NRXN1: variants seen among roughly 807,000 people sequenced by gnomAD.
NRXN1 encodes neurexin-1.
In NRXN1, 39 loss-of-function variants were observed where a neutral mutation model predicts 150.9. That is an observed-to-expected ratio of 0.26 (90% CI 0.20 to 0.34). NRXN1 has a LOEUF of 0.34. Ranked by LOEUF, NRXN1 falls within the 10% of genes least tolerant of loss-of-function variation. The probability of loss-of-function intolerance (pLI) is 1.00; values close to 1 mark genes in which losing one functional copy is unlikely to be tolerated. For missense variants in NRXN1, 1,815 were observed against 1,949.9 expected (o/e 0.93, Z 1.30); for synonymous variants, 924 against 757.0 (o/e 1.22, Z -3.62).
At chr2:50,947,322 C>T (rs1228337279) in intron 2 of NRXN1, among the ~76,000 whole-genome samples, 2 of 151,862 alleles carry the variant, frequency 1.3e-5, no homozygotes, top group South Asian at 4.1e-4. Flanking sequence ...AGAAATGAAT[C>T]AGACATTTGT....
intron 5 of NRXN1, among the ~76,000 whole-genome samples, chr2:50,716,593 GATA>G (rs1434152547): frequency 6.6e-6 from 1 of 152,058 alleles, no homozygotes; most frequent in Non-Finnish European, 1.5e-5. Context: ...CATTTGCTAT[GATA>G]ATGAGAACTT....
intron 5 of NRXN1, among the ~76,000 whole-genome samples, chr2:50,907,124 T>C (rs908426026): frequency 6.6e-6 from 1 of 151,714 alleles, no homozygotes; most frequent in South Asian, 2.1e-4. Context: ...AAGACTCTCA[T>C]TGCCCTATAC....
intron 3 of NRXN1, among the ~76,000 whole-genome samples, chr2:50,923,000 G>A (rs905031244): frequency 1.3e-5 from 2 of 151,780 alleles, no homozygotes; most frequent in African/African-American, 4.8e-5. Context: ...TCTGCCCTCT[G>A]TGCCCTTTAA....
intron 18 of NRXN1, among the ~76,000 whole-genome samples, chr2:50,197,117 T>G (rs1007866270): frequency 6.6e-6 from 1 of 152,128 alleles, no homozygotes. Context: ...CCTAGCAAAC[T>G]TTTTTTCAGA....
At chr2:50,600,243 G>C (rs1676020544) in intron 8 of NRXN1, among the ~76,000 whole-genome samples, 2 of 150,602 alleles carry the variant, frequency 1.3e-5, no homozygotes, top group African/African-American at 2.4e-5. Flanking sequence ...GATATATTAT[G>C]ACTTGCAAAG....
chr2:50,183,559 T>C (rs2060875482), intron 18 of NRXN1, among the ~76,000 whole-genome samples: 1 of 151,784 alleles, frequency 6.6e-6, no homozygotes, highest in Non-Finnish European at 1.5e-5. Context: ...TGTGGGATTT[T>C]GTTGTTCTTG....
chr2:50,856,841 T>G (rs1675343132), intron 5 of NRXN1, among the ~76,000 whole-genome samples: 2 of 152,118 alleles, frequency 1.3e-5, no homozygotes, highest in African/African-American at 4.8e-5. Flanking sequence ...CGTTCCCATG[T>G]AGGAATCCCT....
chr2:50,312,349 A>G (rs114286351), intron 17 of NRXN1, among the ~76,000 whole-genome samples: 1,623 of 152,190 alleles, frequency 0.011, 30 homozygotes, highest in African/African-American at 0.037. Context: ...AGGGGTTAAA[A>G]AAAGAAAACA....
intron 17 of NRXN1, among the ~76,000 whole-genome samples, chr2:50,258,379 C>T (rs2067924730): frequency 6.6e-6 from 1 of 152,066 alleles, no homozygotes; most frequent in South Asian, 2.1e-4. Context: ...CATTTCATCT[C>T]ATGAAACCAC....
chr2:50,865,497 T>C (rs1226146436), intron 5 of NRXN1, among the ~76,000 whole-genome samples: 2 of 151,348 alleles, frequency 1.3e-5, no homozygotes, highest in Non-Finnish European at 3.0e-5. Context: ...CTGAGTCTGG[T>C]CCAGGTCTCT....
intron 17 of NRXN1, among the ~76,000 whole-genome samples, chr2:50,334,598 GGC>G (rs2077063205): frequency 2.0e-5 from 3 of 152,124 alleles, no homozygotes; most frequent in Non-Finnish European, 4.4e-5. Context: ...CCAAATGGCA[GGC>G]ACTCCATCAC....
chr2:50,760,008 T>C (rs1701618165), intron 5 of NRXN1, among the ~76,000 whole-genome samples: 2 of 151,916 alleles, frequency 1.3e-5, no homozygotes, highest in South Asian at 4.1e-4. Context: ...ATTACAGCTC[T>C]GGCACAAGCA....
intron 17 of NRXN1, among the ~76,000 whole-genome samples, chr2:50,422,708 G>C (rs1166841469): frequency 6.6e-6 from 1 of 152,174 alleles, no homozygotes; most frequent in African/African-American, 2.4e-5. Flanking sequence ...GATTCGTGAT[G>C]TGCTATTTCT....
chr2:50,552,541 T>G (rs1573517051), intron 9 of NRXN1, 46 bp downstream of exon 9: 1 of 1,420,888 alleles, frequency 7.0e-7, no homozygotes, highest in South Asian at 1.2e-5. Context: ...CATGGGTGGG[T>G]GGGGTGCTCC....
chr2:50,073,947 G>A (rs1696671869), intron 19 of NRXN1, among the ~76,000 whole-genome samples: 1 of 152,146 alleles, frequency 6.6e-6, no homozygotes, highest in Admixed American at 6.5e-5. Context: ...GGAGGTCAGT[G>A]CAATGCATTT....
At chr2:50,856,620 A>C (rs1339021874) in intron 5 of NRXN1, among the ~76,000 whole-genome samples, 1 of 152,100 alleles carries the variant, frequency 6.6e-6, no homozygotes, top group Non-Finnish European at 1.5e-5. Flanking sequence ...TTTCCCCCTA[A>C]ATTTTATATC....
At chr2:50,227,434 G>A (rs2064503864) in intron 18 of NRXN1, among the ~76,000 whole-genome samples, 1 of 152,000 alleles carries the variant, frequency 6.6e-6, no homozygotes, top group Non-Finnish European at 1.5e-5. Context: ...ACACACCCTT[G>A]CAGAGCAGTG....
At position 50,465,447 on chromosome 2, in the gene NRXN1, T is replaced by C; in HGVS notation, c.3359A>G (p.Asn1120Ser). ...SMTSFSGPLC[N>S]DPGTTYIFSK... ...ATACTCAGAGAGGTACTTACGGTCA[T>C]TGCAGAGTGGTCCACTGAAGGAAGT... is the stretch of plus-strand genomic sequence containing the variant. Residue 1120 changes from asparagine (N) to serine (S), a missense_variant, in exon 17 of 23, where the codon AAT becomes AGT. By Grantham distance (46) the Asn-to-Ser change is conservative. Transcript: ENST00000401669. The C allele has an allele frequency of 6.2e-7, 1 of 1,608,830 alleles. No individual in the cohort carries two copies. The highest frequency in any genetic ancestry group is 8.5e-7 in the Non-Finnish European group (1 of 1,177,166).
chr2:49,922,365 G>A (rs912086892), intron 22 of NRXN1, 114 bp from the exon 23 acceptor site: 3 of 1,084,480 alleles, frequency 2.8e-6, no homozygotes, highest in Admixed American at 4.0e-5. Flanking sequence ...TTTAGGAAAG[G>A]TATGCTATTG....
Sources: gnomAD v4.1 joint callset for allele counts (sites outside exome capture counted in the v4.1 genomes callset) on GRCh38, gnomAD v4.1.1 for gene constraint, MANE v1.5 for transcripts, NCBI Gene and HGNC (gene_info 2026-07-23, HGNC 2026-07-21) for gene names.